PYROXD1: variants seen among roughly 807,000 people sequenced by gnomAD.
PYROXD1 encodes tRNA ligase complex-associated NAD(P)H dehydrogenase PYROXD1.
In PYROXD1, 42 loss-of-function variants were observed where a neutral mutation model predicts 62.0. That is an observed-to-expected ratio of 0.68 (90% confidence interval 0.53 to 0.88). The LOEUF (loss-of-function observed/expected upper bound fraction) is 0.88, where lower values mean the gene tolerates loss of function less well. PYROXD1 is among the 40% of genes least tolerant of loss of function. The pLI is 0.00. For synonymous variants in PYROXD1, 170 were observed against 206.4 expected (o/e 0.82, Z 1.51); for missense variants, 493 against 604.8 (o/e 0.82, Z 1.94).
chr12:21,468,626 G>A lies in PYROXD1; in HGVS notation c.1375G>A (p.Ala459Thr). The change falls in exon 12 of 12, where the codon GCT becomes ACT. Residue 459 changes from alanine to threonine, a missense_variant. Ala to Thr is a moderately conservative substitution (Grantham distance 58, BLOSUM62 0). Around this residue, in one of 2 missense-constraint regions of PYROXD1, gnomAD observed 329 missense variants for 446.6 expected, o/e 0.74. Transcript: ENST00000240651. ...CATGCAAAATGGACGAATGATGGGA[G>A]CTGTCTTAATTGGTGAAACCGATTT... ...VVMQNGRMMG[A>T]VLIGETDLEE... 8 of 1,613,086 alleles carry A rather than the reference G, an allele frequency of 5.0e-6. No homozygotes were observed. Among genetic ancestry groups the A allele is most frequent in the African/African-American group, 1.3e-5 (1 of 74,998 alleles).
In PYROXD1 at chr12:21,452,112, GAAT is replaced by G. The variant is rs1942510711; in HGVS notation, c.450_452del (p.Ile150del). The G allele has an allele frequency of 6.3e-7, 1 of 1,588,450 alleles. No homozygotes were observed. Among genetic ancestry groups the G allele is most frequent in the African/African-American group, 1.4e-5 (1 of 74,010 alleles). ...CAGAAACAGCTTACTAAAGCTAAAAGAATAATGATCATAGGGAACGGTGGTATT... is the reference window on the plus strand; with the variant it reads ...CAGAAACAGCTTACTAAAGCTAAAAGAATGATCATAGGGAACGGTGGTATT... On this transcript the variant is annotated inframe_deletion, in exon 5 of 12. Transcript: ENST00000240651.
chr12:21,462,216 A>G, intron 9 of PYROXD1, 96 bp downstream of exon 9: 2 of 694,754 alleles, frequency 2.9e-6, no homozygotes, highest in Non-Finnish European at 5.0e-6. Flanking sequence ...ATTTTAGTGT[A>G]CAACTGTAAC....
At chr12:21,447,624 C>A in intron 3 of PYROXD1, 1 of 171,168 alleles carries the variant, frequency 5.8e-6, no homozygotes, top group Non-Finnish European at 1.4e-5. Flanking sequence ...AGTTCTAGTG[C>A]TATTTCAGGT....
chr12:21,448,532 AAAG>A, intron 3 of PYROXD1, among the ~76,000 whole-genome samples: 1 of 152,232 alleles, frequency 6.6e-6, no homozygotes, highest in East Asian at 1.9e-4. Flanking sequence ...AGATTATTTA[AAAG>A]AAGACTTGTA....
intron 1 of PYROXD1, 94 bp from the exon 2 acceptor site, chr12:21,440,274 A>G (rs1316928553): frequency 1.2e-5 from 8 of 673,576 alleles, no homozygotes; most frequent in East Asian, 8.1e-5. Flanking sequence ...GATTAATTAC[A>G]TTATTAAAAT....
intron 3 of PYROXD1, among the ~76,000 whole-genome samples, chr12:21,449,123 T>G (rs1213273774): frequency 6.6e-6 from 1 of 152,186 alleles, no homozygotes; most frequent in East Asian, 1.9e-4. Flanking sequence ...TACTAGGTCT[T>G]CTTACAGTAA....
At chr12:21,442,542 G>A (rs538971229) in intron 2 of PYROXD1, among the ~76,000 whole-genome samples, 1 of 152,334 alleles carries the variant, frequency 6.6e-6, no homozygotes, top group African/African-American at 2.4e-5. Flanking sequence ...TGTCTGAGAT[G>A]TAGGTGGGCC....
chr12:21,462,170 G>A (rs889461730), intron 9 of PYROXD1, 50 bp downstream of exon 9: 1 of 999,200 alleles, frequency 1.0e-6, no homozygotes. Flanking sequence ...AAGTATTTTT[G>A]TGAAGATCTC....
chr12:21,452,215 A>ACAATTTAAATATGATAACATTTAAATTGT, intron 5 of PYROXD1, 61 bp downstream of exon 5: 1 of 1,127,816 alleles, frequency 8.9e-7, no homozygotes, highest in Non-Finnish European at 1.2e-6. Context: ...TTGTTTTTAA[A>ACAATTTAAATATGATAACATTTAAATTGT]TTAAACAATT....
intron 3 of PYROXD1, chr12:21,448,319 A>T (rs963944492): frequency 6.4e-6 from 2 of 313,064 alleles, no homozygotes; most frequent in African/African-American, 2.2e-5. Context: ...CCGTCTGGAG[A>T]AGTGTCCTTT....
At chr12:21,445,916 G>T (rs923064380) in intron 3 of PYROXD1, among the ~76,000 whole-genome samples, 1 of 152,256 alleles carries the variant, frequency 6.6e-6, no homozygotes, top group East Asian at 1.9e-4. Context: ...AATGAGGGGG[G>T]TATTAACAGA....
Position 21,467,522 on chromosome 12 carries a change from A to C in PYROXD1, c.1158A>C (p.Ala386=), listed in dbSNP as rs139684530. The C allele has an allele frequency of 3.7e-4, 594 of 1,612,132 alleles. 2 individuals are homozygous for C. The African/African-American group carries it at 6.9e-3, about 19-fold the overall frequency. ...AGGCTAGACAGATGGGATGGTATGC[A>C]GCAAAGTGCATGGCTGCAGCGAGTT... ...WTQARQMGWY[A]AKCMAAASSG... The change falls in exon 11 of 12, where the codon GCA becomes GCC. Residue 386 remains alanine (A), a synonymous_variant. Coordinates refer to ENST00000240651, the MANE Select transcript of PYROXD1 (RefSeq NM_024854.5).
Position 21,471,232 on chromosome 12 carries a change from A to G in PYROXD1, c.*2478A>G, listed in dbSNP as rs1300818704. On this transcript the variant is annotated 3_prime_UTR_variant, in exon 12 of 12. Transcript: ENST00000240651. ...AATAATAAAATTTACAAGAATGCAA[A>G]TAAAGCCTTTAAAGAAAATATTTTC... The G allele has an allele frequency of 1.9e-6, 2 of 1,060,474 alleles. No individual in the cohort carries two copies. The highest frequency in any genetic ancestry group is 2.7e-5 in the East Asian group (1 of 37,400). 65.7% of individuals were successfully genotyped at this position (1,060,474 alleles called of 1,614,324 possible).
chr12:21,461,696 T>TA (rs1942700811), intron 8 of PYROXD1, among the ~76,000 whole-genome samples: 2 of 152,192 alleles, frequency 1.3e-5, no homozygotes, highest in African/African-American at 4.8e-5. Flanking sequence ...TGTAAAGTAT[T>TA]ACAAAAGATT....
At chr12:21,443,707 T>C (rs1004275709) in intron 2 of PYROXD1, among the ~76,000 whole-genome samples, 1 of 152,200 alleles carries the variant, frequency 6.6e-6, no homozygotes, top group Non-Finnish European at 1.5e-5. Context: ...TGAAGACTAC[T>C]ACCATAGCCC....
At chr12:21,446,184 G>A (rs867644662) in intron 3 of PYROXD1, among the ~76,000 whole-genome samples, 1 of 152,218 alleles carries the variant, frequency 6.6e-6, no homozygotes, top group African/African-American at 2.4e-5. Context: ...AGCACTTTGG[G>A]AGGCTGAGGC....
At chr12:21,455,743 G>T (rs1416396515) in intron 6 of PYROXD1, among the ~76,000 whole-genome samples, 2 of 151,966 alleles carry the variant, frequency 1.3e-5, no homozygotes, top group Non-Finnish European at 1.5e-5. Context: ...TACCCTTCCA[G>T]TTAACCGTGT....
chr12:21,468,411 G>A, intron 11 of PYROXD1, 95 bp from the exon 12 acceptor site: 1 of 1,193,246 alleles, frequency 8.4e-7, no homozygotes, highest in Non-Finnish European at 1.2e-6. Context: ...TGTGGCATAA[G>A]TTTTCTGCGG....
At chr12:21,442,434 A>C (rs1449909165) in intron 2 of PYROXD1, among the ~76,000 whole-genome samples, 1 of 152,198 alleles carries the variant, frequency 6.6e-6, no homozygotes, top group African/African-American at 2.4e-5. Flanking sequence ...CCTAGCTTTC[A>C]ATGGCAGCTG....
Sources: allele counts gnomAD v4.1 joint callset (sites outside exome capture counted in the v4.1 genomes callset), GRCh38; gene constraint gnomAD v4.1.1; regional missense constraint gnomAD v4.1.1; transcripts MANE v1.5; gene names NCBI Gene and HGNC (gene_info 2026-07-23, HGNC 2026-07-21).